The following PIGN variants were observed in gnomAD, a reference collection of about 807,000 sequenced individuals.
PIGN encodes phosphatidylinositol glycan anchor biosynthesis class N, also known as GPI ethanolamine phosphate transferase 1.
In PIGN, 117 loss-of-function variants were observed where a neutral mutation model predicts 125.4. The ratio of observed to expected loss-of-function variants is 0.93; its 90% CI spans 0.80 to 1.09. PIGN has a LOEUF of 1.09. Ranked by LOEUF, PIGN falls within the 50% of genes least tolerant of loss-of-function variation. The pLI is 0.00. For synonymous variants in PIGN, 392 were observed against 377.8 expected (o/e 1.04, Z -0.44); for missense variants, 1,075 against 1,094.9 (o/e 0.98, Z 0.26).
chr18:62,022,785 T>A (rs2030068985), intron 23 of PIGN, among the ~76,000 whole-genome samples: 1 of 152,344 alleles, frequency 6.6e-6, no homozygotes, highest in Non-Finnish European at 1.5e-5. Flanking sequence ...ACATAATTCA[T>A]TACTTGTTAG....
chr18:62,121,734 T>C (rs1374983000), intron 14 of PIGN, among the ~76,000 whole-genome samples: 2 of 152,188 alleles, frequency 1.3e-5, no homozygotes, highest in Admixed American at 1.3e-4. Flanking sequence ...CATTGCATCA[T>C]GTATATATAC....
chr18:62,148,486 G>T, intron 7 of PIGN, 148 bp from the exon 8 acceptor site: 1 of 475,542 alleles, frequency 2.1e-6, no homozygotes. Context: ...CCAACACAAC[G>T]TCTTTGCTAT....
chr18:62,038,140 C>T (rs553703747), downstream of PIGN, among the ~76,000 whole-genome samples: 47 of 152,224 alleles, frequency 3.1e-4, no homozygotes, highest in Middle Eastern at 3.4e-3. Flanking sequence ...CACTGTGAAT[C>T]GGAGGGATAA....
At chr18:62,118,259 G>A (rs2035163886) in intron 14 of PIGN, among the ~76,000 whole-genome samples, 1 of 152,006 alleles carries the variant, frequency 6.6e-6, no homozygotes, top group African/African-American at 2.4e-5. Context: ...TTGTGTGCAT[G>A]CATTACTTGT....
At chr18:62,148,621 C>G (rs1599634362) in intron 7 of PIGN, among the ~76,000 whole-genome samples, 1 of 152,096 alleles carries the variant, frequency 6.6e-6, no homozygotes, top group East Asian at 1.9e-4. Context: ...AATCCCACAT[C>G]TAACTTAATA....
intron 22 of PIGN, among the ~76,000 whole-genome samples, chr18:62,099,973 A>T (rs1327470117): frequency 2.0e-5 from 3 of 152,192 alleles, no homozygotes; most frequent in Non-Finnish European, 4.4e-5. Context: ...AGGGGATTAT[A>T]TCAAGCTAAA....
chr18:62,066,018 CT>C (rs113412316), intron 30 of PIGN, among the ~76,000 whole-genome samples: 50,788 of 151,928 alleles, frequency 0.33, 9,401 homozygotes, highest in East Asian at 0.63. Context: ...AGCAAAAGCC[CT>C]TTTGGGTCTT....
intron 28 of PIGN, among the ~76,000 whole-genome samples, chr18:62,078,748 CTA>C (rs2033301635): frequency 6.6e-6 from 1 of 152,194 alleles, no homozygotes; most frequent in African/African-American, 2.4e-5. Flanking sequence ...TACCTAGATC[CTA>C]TGAGTTTCCT....
chr18:62,038,086 A>G (rs934814719), downstream of PIGN, among the ~76,000 whole-genome samples: 10 of 152,214 alleles, frequency 6.6e-5, no homozygotes, highest in Non-Finnish European at 1.0e-4. Context: ...CATAATACCA[A>G]AACAGGGCAC....
At chr18:62,057,571 G>C (rs931444324) in intron 30 of PIGN, among the ~76,000 whole-genome samples, 1 of 152,002 alleles carries the variant, frequency 6.6e-6, no homozygotes, top group Admixed American at 6.5e-5. Context: ...TCCCTCTCTC[G>C]ATCCCTCCAA....
At chr18:62,111,930 T>C (rs374179460) in intron 16 of PIGN, among the ~76,000 whole-genome samples, 1 of 152,266 alleles carries the variant, frequency 6.6e-6, no homozygotes, top group East Asian at 1.9e-4. Flanking sequence ...TGTTAACATA[T>C]CAATATAAAA....
intron 30 of PIGN, among the ~76,000 whole-genome samples, chr18:62,047,814 T>C (rs1445012897): frequency 6.6e-6 from 1 of 151,786 alleles, no homozygotes; most frequent in Non-Finnish European, 1.5e-5. Flanking sequence ...ACCAGGAAGA[T>C]CTCAAGCAGA....
intron 7 of PIGN, among the ~76,000 whole-genome samples, chr18:62,153,226 C>T (rs1016174008): frequency 2.6e-5 from 4 of 152,170 alleles, no homozygotes; most frequent in Non-Finnish European, 5.9e-5. Context: ...CTACCCAGCA[C>T]AGATTAGAAT....
chr18:62,155,239 G>C (rs923465163), intron 6 of PIGN, among the ~76,000 whole-genome samples: 1 of 152,104 alleles, frequency 6.6e-6, no homozygotes, highest in Admixed American at 6.6e-5. Context: ...ACAGTTTAGT[G>C]AATTTCTGAG....
chr18:62,109,264 T>C (rs2034778133), intron 17 of PIGN, among the ~76,000 whole-genome samples: 1 of 152,182 alleles, frequency 6.6e-6, no homozygotes, highest in Non-Finnish European at 1.5e-5. Context: ...ATGTTAACAA[T>C]ACACTCTATT....
Position 62,071,900 on chromosome 18 carries a change from A to ATATATATATATATATATG in PIGN, c.2672+772_2672+773insCATATATATATATATATA, listed in dbSNP as rs2032892097. On this transcript the variant is annotated intron_variant, in intron 30 of 30. Coordinates refer to ENST00000640252, the MANE Select transcript of PIGN (RefSeq NM_176787.5). ...TATATATATATATATATATATATAT[A>ATATATATATATATATATG]TATATATATAAATTTAACTGTAAAA... is the stretch of plus-strand genomic sequence containing the variant. 3.6e-5 allele frequency among the ~76,000 whole-genome samples: 4 copies of ATATATATATATATATATG among 111,620 alleles called. 1 individual carries two copies. Among genetic ancestry groups the ATATATATATATATATATG allele is most frequent in the African/African-American group, 1.3e-4 (4 of 29,710 alleles). The allele number at this position is 111,620 out of a possible 152,430, so 73.2% of individuals were successfully genotyped here.
chr18:62,129,112 T>C (rs1357727539), intron 14 of PIGN, among the ~76,000 whole-genome samples: 4 of 152,164 alleles, frequency 2.6e-5, no homozygotes, highest in African/African-American at 9.6e-5. Context: ...TGCTGAGGGC[T>C]GCTCACACCA....
At chr18:62,076,632 T>C (rs1178269008) in intron 28 of PIGN, among the ~76,000 whole-genome samples, 1 of 152,232 alleles carries the variant, frequency 6.6e-6, no homozygotes, top group African/African-American at 2.4e-5. Flanking sequence ...TGGTCCATTT[T>C]GAGTTAATTT....
At chr18:62,178,187 T>C (rs928793763) in intron 1 of PIGN, among the ~76,000 whole-genome samples, 6 of 152,070 alleles carry the variant, frequency 3.9e-5, no homozygotes, top group African/African-American at 1.4e-4. Context: ...GCTGCTGCCA[T>C]TGCCACAATG....
Sources: allele counts gnomAD v4.1 joint callset (sites outside exome capture counted in the v4.1 genomes callset), GRCh38; gene constraint gnomAD v4.1.1; transcripts MANE v1.5; gene names NCBI Gene and HGNC (gene_info 2026-07-23, HGNC 2026-07-21).